Variants in ADGRA3 observed in about 807,000 individuals in gnomAD.
The protein encoded by ADGRA3 is adhesion G protein-coupled receptor A3, also known as G-protein coupled receptor 125.
ADGRA3 carries 56 observed loss-of-function variants against 119.8 expected under a neutral mutation model. That is an observed-to-expected ratio of 0.47 (90% confidence interval 0.38 to 0.58). The LOEUF is 0.58. ADGRA3 is among the 20% of genes least tolerant of loss of function. The pLI, the probability that ADGRA3 is intolerant of heterozygous loss-of-function variation, is 0.00. For synonymous variants in ADGRA3, 607 were observed against 623.8 expected (o/e 0.97, Z 0.40); for missense variants, 1,516 against 1,649.0 (o/e 0.92, Z 1.40).
chr4:22,435,456 T>C lies in ADGRA3; in HGVS notation c.1298A>G (p.Asn433Ser), dbSNP rs1716357265. Residue 433 changes from asparagine (N) to serine (S), a missense_variant, in exon 10 of 19, where the codon AAT becomes AGT. Around this residue, in one of 2 missense-constraint regions of ADGRA3, gnomAD observed 1,088 missense variants for 1,107.1 expected, o/e 0.98. Transcript: ENST00000334304. Reference protein sequence around the residue: ...VLYMFNQMPLNLTNAVATARQ... With the variant: ...VLYMFNQMPLSLTNAVATARQ... Reference sequence around the variant, plus strand: ...AGCTGTTGCCACGGCATTGGTAAGATTGAGGGGCATCTACATTTCAAAGGC... The same window carrying C: ...AGCTGTTGCCACGGCATTGGTAAGACTGAGGGGCATCTACATTTCAAAGGC... 1.9e-6 allele frequency: 3 copies of C among 1,592,986 alleles called. No homozygotes were observed. Among genetic ancestry groups the C allele is most frequent in the African/African-American group, 1.3e-5 (1 of 74,680 alleles).
At chr4:22,432,805 A>C (rs957967739) in intron 10 of ADGRA3, among the ~76,000 whole-genome samples, 1 of 152,216 alleles carries the variant, frequency 6.6e-6, no homozygotes, top group Non-Finnish European at 1.5e-5. Flanking sequence ...ACAAAGTGCC[A>C]GCTTGTGTTG....
chr4:22,415,521 C>T (rs556864252), intron 12 of ADGRA3, among the ~76,000 whole-genome samples: 181 of 152,140 alleles, frequency 1.2e-3, no homozygotes, highest in African/African-American at 4.1e-3. Context: ...ACACAAATTT[C>T]TCCTAAGTAC....
intron 1 of ADGRA3, among the ~76,000 whole-genome samples, chr4:22,505,637 ACT>A (rs1425255600): frequency 2.9e-5 from 4 of 137,018 alleles, no homozygotes; most frequent in Non-Finnish European, 6.2e-5. Flanking sequence ...ACAGAGCGAG[ACT>A]CTGTCTCAAA....
intron 1 of ADGRA3, among the ~76,000 whole-genome samples, chr4:22,474,099 A>G (rs1178280473): frequency 6.6e-6 from 1 of 152,232 alleles, no homozygotes; most frequent in East Asian, 1.9e-4. Flanking sequence ...AGAAAAGTCA[A>G]TATGTAATAG....
chr4:22,398,551 T>C (rs1032728512), intron 16 of ADGRA3, among the ~76,000 whole-genome samples: 1 of 152,162 alleles, frequency 6.6e-6, no homozygotes, highest in Non-Finnish European at 1.5e-5. Flanking sequence ...CAACCTCTGT[T>C]CATCACTCCC....
intron 1 of ADGRA3, among the ~76,000 whole-genome samples, chr4:22,482,596 T>C (rs1718290943): frequency 6.6e-6 from 1 of 151,634 alleles, no homozygotes; most frequent in South Asian, 2.1e-4. Flanking sequence ...GCCCAGGGGG[T>C]TGAGGCTGCA....
chr4:22,437,266 T>C lies in ADGRA3; in HGVS notation c.1086-625A>G, dbSNP rs192333513. ...TGGCAATAATAAATGTTGATTTCCA[T>C]ATATTGATGTCAAGAATAACTTTTT... On this transcript the variant is annotated intron_variant, in intron 8 of 18. Transcript: ENST00000334304. Among the ~76,000 whole-genome samples the C allele has an allele frequency of 4.2e-3, 638 of 152,320 alleles. 4 individuals carry two copies. The highest frequency in any genetic ancestry group is 0.02 in the Middle Eastern group (6 of 294).
At chr4:22,411,941 T>C (rs10012247) in intron 14 of ADGRA3, among the ~76,000 whole-genome samples, 2,317 of 151,896 alleles carry the variant, frequency 0.015, 59 homozygotes, top group African/African-American at 0.053. Context: ...ATAAGTTGAA[T>C]TGAAACAACA....
At chr4:22,504,280 T>G (rs531910440) in intron 1 of ADGRA3, among the ~76,000 whole-genome samples, 4 of 152,296 alleles carry the variant, frequency 2.6e-5, no homozygotes, top group African/African-American at 9.6e-5. Flanking sequence ...AAACTTTATT[T>G]AAATTAAGAA....
chr4:22,475,354 G>T (rs184409992), intron 1 of ADGRA3, among the ~76,000 whole-genome samples: 1 of 152,134 alleles, frequency 6.6e-6, no homozygotes, highest in Non-Finnish European at 1.5e-5. Context: ...GTTTTCTGAC[G>T]TGTCAACTCA....
intron 8 of ADGRA3, among the ~76,000 whole-genome samples, chr4:22,437,690 A>G (rs747860891): frequency 3.3e-5 from 5 of 152,222 alleles, no homozygotes; most frequent in Non-Finnish European, 7.3e-5. Flanking sequence ...GCTTAGATTA[A>G]CAAACCCCAC....
intron 10 of ADGRA3, among the ~76,000 whole-genome samples, chr4:22,429,720 T>C (rs1160905860): frequency 6.6e-6 from 1 of 152,226 alleles, no homozygotes; most frequent in Non-Finnish European, 1.5e-5. Context: ...TATACTACTT[T>C]CGTGTTCTTA....
chr4:22,418,052 A>C (rs2109030194), intron 12 of ADGRA3, among the ~76,000 whole-genome samples: 1 of 152,364 alleles, frequency 6.6e-6, no homozygotes, highest in African/African-American at 2.4e-5. Context: ...CCTCAGTAAA[A>C]GTAAAGTAGT....
At chr4:22,503,749 C>A (rs77355128) in intron 1 of ADGRA3, among the ~76,000 whole-genome samples, 5,193 of 152,174 alleles carry the variant, frequency 0.034, 138 homozygotes, top group African/African-American at 0.066. Flanking sequence ...AATTCACGAA[C>A]ATTTACCGAT....
At chr4:22,515,449 T>A in intron 1 of ADGRA3, 79 bp downstream of exon 1, 1 of 1,522,164 alleles carries the variant, frequency 6.6e-7, no homozygotes, top group African/African-American at 1.4e-5. Flanking sequence ...GGGTGCCGGC[T>A]GGACCCTGCT....
At chr4:22,498,171 G>A (rs61793406) in intron 1 of ADGRA3, among the ~76,000 whole-genome samples, 12,181 of 151,938 alleles carry the variant, frequency 0.08, 632 homozygotes, top group Middle Eastern at 0.12. Context: ...CTTGAACCCA[G>A]AAGGCAGAGG....
intron 1 of ADGRA3, among the ~76,000 whole-genome samples, chr4:22,499,738 T>C (rs1718983822): frequency 6.6e-6 from 1 of 152,204 alleles, no homozygotes; most frequent in African/African-American, 2.4e-5. Flanking sequence ...AATAAATGGA[T>C]GATGTTACAA....
intron 1 of ADGRA3, among the ~76,000 whole-genome samples, chr4:22,514,867 T>C (rs1434764693): frequency 6.6e-6 from 1 of 152,204 alleles, no homozygotes; most frequent in Non-Finnish European, 1.5e-5. Flanking sequence ...GAAGGCTCAA[T>C]AAACCCACGG....
rs139878503 is a variant in ADGRA3, at chr4:22,466,595, C to T, written c.330-4787G>A. 1.5e-4 allele frequency among the ~76,000 whole-genome samples: 23 copies of T among 152,174 alleles called. No homozygotes were observed. The East Asian group carries it at 4.1e-3, about 27-fold the overall frequency. ...TACAAAAATTAGCCAGGCGTGATGGCGCACACCTGTAGTCCCAGCTACTCA... is the reference window on the plus strand; with the variant it reads ...TACAAAAATTAGCCAGGCGTGATGGTGCACACCTGTAGTCCCAGCTACTCA... On this transcript the variant is annotated intron_variant, in intron 2 of 18. Transcript: ENST00000334304.
Sources: allele counts gnomAD v4.1 joint callset (sites outside exome capture counted in the v4.1 genomes callset), GRCh38; gene constraint gnomAD v4.1.1; regional missense constraint gnomAD v4.1.1; transcripts MANE v1.5; gene names NCBI Gene and HGNC (gene_info 2026-07-23, HGNC 2026-07-21).